The following SAMD12 variants were observed in gnomAD, a reference collection of about 807,000 sequenced individuals.
SAMD12 encodes the protein sterile alpha motif domain containing 12.
A neutral mutation model predicts 15.0 loss-of-function variants in SAMD12; 9 were observed. The ratio of observed to expected loss-of-function variants is 0.60; its 90% CI spans 0.36 to 1.05. The LOEUF is 1.05. Among genes scored for constraint, SAMD12 ranks in the 50% least tolerant of loss-of-function variants. The pLI, the probability that SAMD12 is intolerant of heterozygous loss-of-function variation, is 0.01. For synonymous variants in SAMD12, 86 were observed against 90.1 expected, an observed-to-expected ratio of 0.96 and a Z score of 0.25; for missense variants, 230 against 234.2, an observed-to-expected ratio of 0.98 and a Z score of 0.12.
At chr8:118,420,306 T>G (rs562240134) in intron 3 of SAMD12, among the ~76,000 whole-genome samples, 66 of 152,220 alleles carry the variant, frequency 4.3e-4, no homozygotes, top group African/African-American at 1.5e-3. Flanking sequence ...TGTGTATATA[T>G]AGGAGGGTAG....
chr8:118,603,729 G>T (rs73319376), intron 1 of SAMD12, among the ~76,000 whole-genome samples: 8,329 of 152,146 alleles, frequency 0.055, 448 homozygotes, highest in African/African-American at 0.14. Context: ...CAAATCCAAA[G>T]GCAGCAGCTA....
intron 1 of SAMD12, among the ~76,000 whole-genome samples, chr8:118,600,312 C>A (rs1827828336): frequency 1.3e-5 from 2 of 151,644 alleles, no homozygotes; most frequent in Admixed American, 6.6e-5. Flanking sequence ...TTTAGAGTAT[C>A]TTGGGTTTTC....
At chr8:118,404,536 C>T (rs929065293) in intron 3 of SAMD12, among the ~76,000 whole-genome samples, 2 of 152,184 alleles carry the variant, frequency 1.3e-5, no homozygotes, top group Non-Finnish European at 2.9e-5. Flanking sequence ...ATGCAGTCAT[C>T]ATAGATTGAA....
intron 1 of SAMD12, among the ~76,000 whole-genome samples, chr8:118,582,804 A>G (rs1827329346): frequency 6.6e-6 from 1 of 152,204 alleles, no homozygotes; most frequent in African/African-American, 2.4e-5. Flanking sequence ...ACTAGATTAA[A>G]TGGTATGGAA....
intron 3 of SAMD12, among the ~76,000 whole-genome samples, chr8:118,420,005 C>A (rs1821920965): frequency 6.6e-6 from 1 of 152,134 alleles, no homozygotes; most frequent in African/African-American, 2.4e-5. Flanking sequence ...AAGAGAGAGG[C>A]TGACAGAAAG....
intron 2 of SAMD12, among the ~76,000 whole-genome samples, chr8:118,517,384 G>A (rs1410158412): frequency 6.6e-6 from 1 of 152,118 alleles, no homozygotes; most frequent in East Asian, 1.9e-4. Flanking sequence ...TTTATAAAAT[G>A]GGGATAGTAA....
intron 3 of SAMD12, among the ~76,000 whole-genome samples, chr8:118,391,438 A>T (rs1231907472): frequency 2.0e-5 from 3 of 152,210 alleles, no homozygotes; most frequent in African/African-American, 7.2e-5. Context: ...GGCATTAGAC[A>T]TCTTTTTAAA....
At chr8:118,603,905 T>C (rs1178567796) in intron 1 of SAMD12, among the ~76,000 whole-genome samples, 2 of 152,196 alleles carry the variant, frequency 1.3e-5, no homozygotes, top group African/African-American at 2.4e-5. Context: ...GATAAGTTTA[T>C]AGAACACAGC....
intron 2 of SAMD12, among the ~76,000 whole-genome samples, chr8:118,460,778 G>C (rs140351702): frequency 2.6e-4 from 40 of 152,218 alleles, no homozygotes; most frequent in Admixed American, 4.6e-4. Context: ...ATATAACAAG[G>C]CTGCCCACAT....
intron 4 of SAMD12, among the ~76,000 whole-genome samples, chr8:118,320,783 T>C (rs931462397): frequency 2.0e-5 from 3 of 150,708 alleles, no homozygotes; most frequent in African/African-American, 7.3e-5. Context: ...AATCTGCACA[T>C]TGTGCACATG....
At chr8:118,530,718 G>A (rs953466171) in intron 2 of SAMD12, among the ~76,000 whole-genome samples, 5 of 152,108 alleles carry the variant, frequency 3.3e-5, no homozygotes, top group African/African-American at 1.2e-4. Context: ...AGTCCCATAT[G>A]TCTACTTTTG....
chr8:118,429,606 G>T (rs970407559), intron 3 of SAMD12, among the ~76,000 whole-genome samples: 1 of 151,778 alleles, frequency 6.6e-6, no homozygotes, highest in African/African-American at 2.4e-5. Context: ...TTAATAGAAG[G>T]TAAGTAGCCG....
At chr8:118,258,894 C>G (rs1813014525) in intron 4 of SAMD12, among the ~76,000 whole-genome samples, 1 of 152,062 alleles carries the variant, frequency 6.6e-6, no homozygotes, top group Non-Finnish European at 1.5e-5. Context: ...CTGCTTGACT[C>G]AAATAAACCA....
the SAMD12 span, among the ~76,000 whole-genome samples, chr8:118,141,257 A>G: frequency 3.3e-5 from 5 of 152,246 alleles, no homozygotes; most frequent in African/African-American, 9.6e-5. Context: ...CAGAAGTACT[A>G]ACTAATTTGA....
At chr8:118,186,206 A>G (rs1319199734), downstream of SAMD12, among the ~76,000 whole-genome samples, 2 of 152,176 alleles carry the variant, frequency 1.3e-5, no homozygotes, top group Middle Eastern at 3.2e-3. Context: ...TGATTATGGA[A>G]TATTCTTGCA....
At chr8:118,495,539 C>T (rs565094024) in intron 2 of SAMD12, among the ~76,000 whole-genome samples, 22 of 143,520 alleles carry the variant, frequency 1.5e-4, no homozygotes, top group African/African-American at 5.7e-4. Flanking sequence ...TTAATCTTCA[C>T]TTAATTCATG....
chr8:118,574,956 C>G (rs1486733897), intron 2 of SAMD12, among the ~76,000 whole-genome samples: 1 of 152,186 alleles, frequency 6.6e-6, no homozygotes, highest in Non-Finnish European at 1.5e-5. Context: ...GGCAGCTAAG[C>G]AATGTAATTT....
intron 4 of SAMD12, among the ~76,000 whole-genome samples, chr8:118,312,615 C>T (rs576157850): frequency 1.4e-3 from 218 of 152,282 alleles, no homozygotes; most frequent in Middle Eastern, 0.014. Flanking sequence ...CCACCATGGC[C>T]ATCTCCAACT....
intron 2 of SAMD12, among the ~76,000 whole-genome samples, chr8:118,553,515 T>G (rs1351478763): frequency 6.6e-6 from 1 of 152,108 alleles, no homozygotes; most frequent in Non-Finnish European, 1.5e-5. Context: ...TCCTCACACC[T>G]TATACAAAAA....
Sources: gnomAD v4.1 joint callset for allele counts (sites outside exome capture counted in the v4.1 genomes callset) on GRCh38, gnomAD v4.1.1 for gene constraint, MANE v1.5 for transcripts, NCBI Gene and HGNC (gene_info 2026-07-23, HGNC 2026-07-21) for gene names.